TUBGCP3: variants seen among roughly 807,000 people sequenced by gnomAD.
The protein encoded by TUBGCP3 is tubulin gamma complex component 3.
A neutral mutation model predicts 123.1 loss-of-function variants in TUBGCP3; 50 were observed. The ratio of observed to expected loss-of-function variants is 0.41; its 90% CI spans 0.32 to 0.51. TUBGCP3 has a LOEUF of 0.51. Ranked by LOEUF, TUBGCP3 falls within the 20% of genes least tolerant of loss-of-function variation. The pLI is 0.36. For missense variants in TUBGCP3, 882 were observed against 1,127.0 expected (o/e 0.78, Z 3.11); for synonymous variants, 405 against 413.9 (o/e 0.98, Z 0.26).
intron 8 of TUBGCP3, among the ~76,000 whole-genome samples, chr13:112,549,786 G>A (rs1014006592): frequency 2.0e-5 from 3 of 151,656 alleles, no homozygotes; most frequent in Non-Finnish European, 2.9e-5. Context: ...CCAGGAGATC[G>A]AGACCATCCT....
At chr13:112,561,644 G>A (rs1880521517) in intron 3 of TUBGCP3, among the ~76,000 whole-genome samples, 1 of 152,190 alleles carries the variant, frequency 6.6e-6, no homozygotes, top group Admixed American at 6.5e-5. Context: ...TGGACGCCCA[G>A]AGGGGTGGAA....
At chr13:112,563,013 G>A (rs1389583223) in intron 3 of TUBGCP3, among the ~76,000 whole-genome samples, 2 of 152,152 alleles carry the variant, frequency 1.3e-5, no homozygotes, top group Non-Finnish European at 2.9e-5. Context: ...TCCTGCCCGG[G>A]CAGTGCAGAT....
intron 11 of TUBGCP3, among the ~76,000 whole-genome samples, chr13:112,534,989 T>C (rs1877929569): frequency 6.6e-6 from 1 of 152,180 alleles, no homozygotes; most frequent in African/African-American, 2.4e-5. Context: ...CTACTTTCTA[T>C]CTCTACGCAT....
intron 4 of TUBGCP3, among the ~76,000 whole-genome samples, chr13:112,558,933 T>G (rs1880276162): frequency 6.6e-6 from 1 of 152,202 alleles, no homozygotes; most frequent in South Asian, 2.1e-4. Flanking sequence ...AGCCCGGTGA[T>G]GACAGGGTTT....
intron 11 of TUBGCP3, among the ~76,000 whole-genome samples, chr13:112,528,269 C>T (rs1877296771): frequency 6.6e-6 from 1 of 152,196 alleles, no homozygotes; most frequent in Admixed American, 6.5e-5. Context: ...TTTCTATAAA[C>T]TTGTTTTATA....
intron 21 of TUBGCP3, among the ~76,000 whole-genome samples, chr13:112,488,431 C>T (rs1026911878): frequency 3.3e-5 from 5 of 152,200 alleles, no homozygotes; most frequent in Non-Finnish European, 5.9e-5. Flanking sequence ...GCAGAGCAGC[C>T]GTCCCCAGCC....
At chr13:112,541,536 C>G (rs1487193594) in intron 11 of TUBGCP3, among the ~76,000 whole-genome samples, 3 of 121,188 alleles carry the variant, frequency 2.5e-5, no homozygotes, top group African/African-American at 1.3e-4. Flanking sequence ...AGCAAGACTC[C>G]GTCTCAAAAA....
At chr13:112,553,880 T>C (rs187958325) in intron 8 of TUBGCP3, among the ~76,000 whole-genome samples, 177 bp downstream of exon 8, 3 of 152,338 alleles carry the variant, frequency 2.0e-5, no homozygotes, top group Admixed American at 2.0e-4. Context: ...GTATTCAGTG[T>C]CCTCATCAGC....
At chr13:112,493,729 G>A (rs1414446596) in intron 20 of TUBGCP3, among the ~76,000 whole-genome samples, 14 of 123,316 alleles carry the variant, frequency 1.1e-4, no homozygotes, top group South Asian at 2.8e-4. Context: ...GAGACACTCT[G>A]GCTATGGGAA....
chr13:112,549,334 T>C (rs1016605314), intron 8 of TUBGCP3, among the ~76,000 whole-genome samples: 20 of 92,964 alleles, frequency 2.2e-4, no homozygotes, highest in African/African-American at 8.1e-4. Context: ...GGGCCTGTTG[T>C]GGGGTGGGGG....
chr13:112,545,719 G>A lies in TUBGCP3; in HGVS notation c.1315C>T (p.Leu439Phe). 1 of 1,613,770 alleles carries A rather than the reference G, an allele frequency of 6.2e-7. No individual in the cohort carries two copies. Among genetic ancestry groups the A allele is most frequent in the Non-Finnish European group, 8.5e-7 (1 of 1,179,668 alleles). Reference protein sequence around the residue: ...FLYRWIYDGELEDTYHEFFVA... With the variant: ...FLYRWIYDGEFEDTYHEFFVA... ...CTTACTTCGTGGTAAGTGTCCTCAA[G>A]CTCCCCATCATATATCCAGCGGTAC... Residue 439 changes from leucine (L) to phenylalanine (F), a missense_variant, in exon 11 of 22, where the codon CTT becomes TTT. Physicochemically the swap from Leu to Phe is conservative, Grantham distance 22 (BLOSUM62 0). Around this residue, in one of 3 missense-constraint regions of TUBGCP3, gnomAD observed 713 missense variants for 874.0 expected, o/e 0.82. Coordinates refer to ENST00000261965, the MANE Select transcript of TUBGCP3 (RefSeq NM_006322.6). The surrounding 1 kb of genome is among the most constrained non-coding windows in gnomAD (Gnocchi z 4.1).
At chr13:112,502,835 G>A (rs569028894) in intron 19 of TUBGCP3, among the ~76,000 whole-genome samples, 1 of 152,118 alleles carries the variant, frequency 6.6e-6, no homozygotes, top group Non-Finnish European at 1.5e-5. Flanking sequence ...ATGAGCCACT[G>A]CCCCCGGCCT....
rs374229306 is a variant in TUBGCP3, at chr13:112,501,002, C to T, written c.2308-1817G>A. Among the ~76,000 whole-genome samples the T allele has an allele frequency of 1.4e-4, 21 of 152,258 alleles. No individual in the cohort carries two copies. In the East Asian group the frequency reaches 3.1e-3, roughly 22 times the overall value. ...AACTGATGCAGGAGAACTTGGTATT[C>T]GGCAGTGAACAGCCCATGCTCTCTT... On this transcript the variant is annotated intron_variant, in intron 19 of 21. Transcript: ENST00000261965.
At chr13:112,558,576 GC>G (rs1458479369) in intron 4 of TUBGCP3, among the ~76,000 whole-genome samples, 163 bp from the exon 5 acceptor site, 13 of 152,268 alleles carry the variant, frequency 8.5e-5, no homozygotes, top group Admixed American at 8.5e-4. Context: ...TTTGAAATAT[GC>G]CTAAACTGAT....
At chr13:112,486,172 T>C (rs781690009) in intron 21 of TUBGCP3, 21 bp from the exon 22 acceptor site, 3 of 1,608,862 alleles carry the variant, frequency 1.9e-6, no homozygotes, top group Non-Finnish European at 1.7e-6. Context: ...GCAAAAGGAG[T>C]AAAATATTGT....
At chr13:112,593,117 G>A (rs1882910687), upstream of TUBGCP3, among the ~76,000 whole-genome samples, 1 of 152,146 alleles carries the variant, frequency 6.6e-6, no homozygotes, top group Non-Finnish European at 1.5e-5. Flanking sequence ...TAGAAGGAAG[G>A]GGAGTGAGAT....
intron 11 of TUBGCP3, among the ~76,000 whole-genome samples, chr13:112,540,923 T>C (rs1370636043): frequency 6.6e-6 from 1 of 152,244 alleles, no homozygotes; most frequent in Non-Finnish European, 1.5e-5. Flanking sequence ...ATTATTTTAT[T>C]TTTAAATAAA....
chr13:112,549,922 G>A (rs1042545492), intron 8 of TUBGCP3, among the ~76,000 whole-genome samples: 2 of 150,694 alleles, frequency 1.3e-5, no homozygotes, highest in East Asian at 1.9e-4. Flanking sequence ...CACAGGAGGC[G>A]GGGCTTGCAG....
intron 17 of TUBGCP3, among the ~76,000 whole-genome samples, chr13:112,505,130 T>C (rs1322175490): frequency 1.3e-5 from 2 of 152,180 alleles, no homozygotes; most frequent in African/African-American, 4.8e-5. Flanking sequence ...GACATTTCTT[T>C]AAGGAACCGA....
Sources: allele counts gnomAD v4.1 joint callset (sites outside exome capture counted in the v4.1 genomes callset), GRCh38; gene constraint gnomAD v4.1.1; regional missense constraint gnomAD v4.1.1; non-coding constraint Gnocchi (gnomAD v3.1); transcripts MANE v1.5; gene names NCBI Gene and HGNC (gene_info 2026-07-23, HGNC 2026-07-21).